EXOC5: variants seen among roughly 807,000 people sequenced by gnomAD.
The protein encoded by EXOC5 is exocyst complex component 5.
In EXOC5, 17 loss-of-function variants were observed where a neutral mutation model predicts 90.8. The ratio of observed to expected loss-of-function variants is 0.19; its 90% CI spans 0.13 to 0.28. EXOC5 has a LOEUF of 0.28. Ranked by LOEUF, EXOC5 falls within the 10% of genes least tolerant of loss-of-function variation. The pLI, the probability that EXOC5 is intolerant of heterozygous loss-of-function variation, is 1.00. For synonymous variants in EXOC5, 260 were observed against 270.0 expected (o/e 0.96, Z 0.36); for missense variants, 569 against 830.6 (o/e 0.69, Z 3.87).
rs917477701 is a variant in EXOC5, at chr14:57,204,104, AATT to A, written c.*4502_*4504del. ...ACTTAGAAAATGGGCGAGTGTGTTT[AATT>A]ACTCATCTTTCCCCCCAAAAGTCGA... On this transcript the variant is annotated 3_prime_UTR_variant, in exon 18 of 18. Transcript: ENST00000621441. The A allele has an allele frequency of 1.2e-4, 18 of 152,358 alleles. No homozygotes were observed. Among genetic ancestry groups the A allele is most frequent in the African/African-American group, 4.3e-4 (18 of 41,568 alleles). The allele number at this position is 152,358 out of a possible 1,614,324, so 9.4% of individuals were successfully genotyped here.
At chr14:57,227,384 T>C (rs143219871) in intron 12 of EXOC5, among the ~76,000 whole-genome samples, 2 of 152,334 alleles carry the variant, frequency 1.3e-5, no homozygotes, top group East Asian at 3.9e-4. Flanking sequence ...AATTGTTGTA[T>C]AGTTTTCTAC....
At position 57,201,427 on chromosome 14, in the gene EXOC5, TATACACAC is replaced by T. The variant is rs1566720375; in HGVS notation, c.*7174_*7181del. ...AAGAGAATTCTGATTAGTATATATA[TATACACAC>T]ACACACGTGTGTATATATACACACG... On this transcript the variant is annotated 3_prime_UTR_variant, in exon 18 of 18. Transcript: ENST00000621441. 1 of 126,384 alleles carries T rather than the reference TATACACAC, an allele frequency of 7.9e-6. No homozygotes were observed. The highest frequency in any genetic ancestry group is 4.2e-5 in the African/African-American group (1 of 24,066). 7.8% of individuals were successfully genotyped at this position (126,384 alleles called of 1,614,324 possible). A position where few individuals can be genotyped will look rare whatever the true frequency, so the allele number is the denominator to read the frequency against.
At chr14:57,215,131 GT>G (rs1882934979) in intron 15 of EXOC5, among the ~76,000 whole-genome samples, 1 of 151,856 alleles carries the variant, frequency 6.6e-6, no homozygotes, top group Non-Finnish European at 1.5e-5. Flanking sequence ...ATTTGGGAGG[GT>G]GAGGCAGGGG....
At chr14:57,247,594 G>A in intron 2 of EXOC5, 24 bp downstream of exon 2, 12 of 1,249,198 alleles carry the variant, frequency 9.6e-6, no homozygotes, top group Non-Finnish European at 1.4e-5. Flanking sequence ...TAGATCTGTG[G>A]GGAAAAAAAT....
In EXOC5 at chr14:57,244,127, A is replaced by C. The variant is rs773735033; in HGVS notation, c.465+38T>G. On this transcript the variant is annotated intron_variant, in intron 4 of 17. Coordinates refer to ENST00000621441, the MANE Select transcript of EXOC5 (RefSeq NM_006544.4). ...AGCTCATAATTAGGGCACTGTTATT[A>C]ATGCTGTGATTTGGTTTTATCCTCT... is the stretch of plus-strand genomic sequence containing the variant. 7 of 1,392,552 alleles carry C rather than the reference A, an allele frequency of 5.0e-6. No homozygotes were observed. The Admixed American group carries it at 1.2e-4, about 25-fold the overall frequency. The allele number at this position is 1,392,552 out of a possible 1,614,324, so 86.3% of individuals were successfully genotyped here.
intron 12 of EXOC5, among the ~76,000 whole-genome samples, chr14:57,227,726 C>T (rs762899832): frequency 7.7e-4 from 117 of 152,172 alleles, no homozygotes; most frequent in Non-Finnish European, 1.5e-3. Context: ...TTGTAAACTG[C>T]GTATGCGTAT....
rs1368798501 is a variant in EXOC5 at position 57,203,289 on chromosome 14, G to T, written c.*5320C>A. ...TGAAAGGAACCAGTTACAGTATAAA[G>T]ATTAAAATGATAGGCAGGCAAAGAG... On this transcript the variant is annotated 3_prime_UTR_variant, in exon 18 of 18. Coordinates refer to ENST00000621441, the MANE Select transcript of EXOC5 (RefSeq NM_006544.4). The T allele has an allele frequency of 3.3e-5, 5 of 152,076 alleles. No homozygotes were observed. The highest frequency in any genetic ancestry group is 7.4e-5 in the Non-Finnish European group (5 of 68,016). The allele number at this position is 152,076 out of a possible 1,614,324, so 9.4% of individuals were successfully genotyped here. A position where few individuals can be genotyped will look rare whatever the true frequency, so the allele number is the denominator to read the frequency against.
chr14:57,235,795 C>G lies in EXOC5; in HGVS notation c.585G>C (p.Gln195His). The G allele has an allele frequency of 6.4e-7, 1 of 1,556,338 alleles. No homozygotes were observed. The highest frequency in any genetic ancestry group is 8.7e-7 in the Non-Finnish European group (1 of 1,146,946). Residue 195 changes from glutamine (Q) to histidine (H), a missense_variant, in exon 7 of 18, where the codon CAG becomes CAC. This residue lies in a region of EXOC5 where 97 missense variants were observed against 177.9 expected (regional missense o/e 0.55). Coordinates refer to ENST00000621441, the MANE Select transcript of EXOC5 (RefSeq NM_006544.4). Reference protein sequence around the residue: ...IASKYHDLECQLIQEFTSAQR... With the variant: ...IASKYHDLECHLIQEFTSAQR... ...GAGCACTGGTAAACTCCTGAATCAG[C>G]TGGCATTCTAAATCATGGTATTTAC...
chr14:57,238,595 T>C (rs1883755346), intron 5 of EXOC5, among the ~76,000 whole-genome samples: 2 of 151,746 alleles, frequency 1.3e-5, no homozygotes, highest in African/African-American at 4.8e-5. Context: ...TTTTGGTGGG[T>C]GACTTTAAAA....
intron 15 of EXOC5, among the ~76,000 whole-genome samples, chr14:57,214,421 C>A (rs1196231007): frequency 1.3e-5 from 2 of 152,064 alleles, no homozygotes; most frequent in Admixed American, 1.3e-4. Context: ...AATTTTGAAG[C>A]ATTTTTATTT....
chr14:57,233,973 G>C lies in EXOC5; in HGVS notation c.714+15C>G. 2 of 1,596,058 alleles carry C rather than the reference G, an allele frequency of 1.3e-6. No individual in the cohort carries two copies. Among genetic ancestry groups the C allele is most frequent in the Admixed American group, 3.3e-5 (2 of 59,942 alleles). On this transcript the variant is annotated intron_variant, in intron 8 of 17. Coordinates refer to ENST00000621441, the MANE Select transcript of EXOC5 (RefSeq NM_006544.4). Reference sequence around the variant, plus strand: ...AGCATAAAATAATATCCAACAAAGTGTACTGTTATGTTACCTCCTGGCACT... The same window carrying C: ...AGCATAAAATAATATCCAACAAAGTCTACTGTTATGTTACCTCCTGGCACT...
intron 15 of EXOC5, among the ~76,000 whole-genome samples, chr14:57,211,129 T>A (rs1040019086): frequency 1.3e-5 from 2 of 152,224 alleles, no homozygotes; most frequent in Admixed American, 6.5e-5. Context: ...CTGTTATGAA[T>A]GTACACTGCT....
chr14:57,268,396 C>A, intron 1 of EXOC5: 1 of 1,272,594 alleles, frequency 7.9e-7, no homozygotes, highest in Non-Finnish European at 1.1e-6. Context: ...ACCCGGCTTC[C>A]CCTCTCTGCC....
At chr14:57,266,153 T>C (rs1444558135) in intron 1 of EXOC5, among the ~76,000 whole-genome samples, 1 of 152,206 alleles carries the variant, frequency 6.6e-6, no homozygotes, top group African/African-American at 2.4e-5. Context: ...TATTTAACAG[T>C]GCATGAAAAT....
intron 1 of EXOC5, among the ~76,000 whole-genome samples, chr14:57,265,447 G>A (rs1884643200): frequency 6.6e-6 from 1 of 152,126 alleles, no homozygotes; most frequent in Non-Finnish European, 1.5e-5. Flanking sequence ...AACTGGCGGG[G>A]CACGGTGGCT....
Position 57,227,935 on chromosome 14 carries a change from C to CAT in EXOC5, c.1296+1797_1296+1798dup, listed in dbSNP as rs764433315. On this transcript the variant is annotated intron_variant, in intron 12 of 17. Coordinates refer to ENST00000621441, the MANE Select transcript of EXOC5 (RefSeq NM_006544.4). ...TTATATGATGAAATAAGTTTACATA[C>CAT]ATATATATATACACACACACACACA... Among the ~76,000 whole-genome samples the CAT allele has an allele frequency of 5.0e-3, 618 of 123,574 alleles. 8 individuals carry two copies. Among genetic ancestry groups the CAT allele is most frequent in the African/African-American group, 0.031 (555 of 18,162 alleles). 81.1% of individuals were successfully genotyped at this position (123,574 alleles called of 152,430 possible).
At chr14:57,249,802 G>A (rs1054693605) in intron 1 of EXOC5, among the ~76,000 whole-genome samples, 2 of 151,964 alleles carry the variant, frequency 1.3e-5, no homozygotes, top group South Asian at 2.1e-4. Flanking sequence ...ACTGAGTTTC[G>A]CTCTTGTTGC....
At chr14:57,242,005 C>T (rs774597916) in intron 4 of EXOC5, among the ~76,000 whole-genome samples, 4 of 151,492 alleles carry the variant, frequency 2.6e-5, no homozygotes, top group Middle Eastern at 3.4e-3. Flanking sequence ...TGGTGGCAGG[C>T]GCCTGTGGTC....
At chr14:57,264,496 A>G (rs1405060948) in intron 1 of EXOC5, among the ~76,000 whole-genome samples, 2 of 152,132 alleles carry the variant, frequency 1.3e-5, no homozygotes, top group Non-Finnish European at 1.5e-5. Context: ...AGGAACCTAT[A>G]TTTACAGAAA....
Sources: allele counts gnomAD v4.1 joint callset (sites outside exome capture counted in the v4.1 genomes callset), GRCh38; gene constraint gnomAD v4.1.1; regional missense constraint gnomAD v4.1.1; transcripts MANE v1.5; gene names NCBI Gene and HGNC (gene_info 2026-07-23, HGNC 2026-07-21).